The following BCAM variants were observed in gnomAD, a reference collection of about 807,000 sequenced individuals.
BCAM encodes basal cell adhesion molecule (Lutheran blood group), also known as basal cell adhesion molecule.
Under a neutral mutation model 72.4 loss-of-function variants are expected in BCAM, and 61 were observed. The ratio of observed to expected loss-of-function variants is 0.84; its 90% confidence interval spans 0.69 to 1.04. BCAM has a LOEUF of 1.04. Ranked by LOEUF, BCAM falls within the 50% of genes least tolerant of loss-of-function variation. The pLI, the probability that BCAM is intolerant of heterozygous loss-of-function variation, is 0.00. For synonymous variants in BCAM, 408 were observed against 384.2 expected, an observed-to-expected ratio of 1.06 and a Z score of -0.73; for missense variants, 909 against 895.0, an observed-to-expected ratio of 1.02 and a Z score of -0.20.
Position 44,812,501 on chromosome 19 carries a change from T to G in BCAM, c.457T>G (p.Ser153Ala), listed in dbSNP as rs761710611. ...AGCAAAGCCAGAGGCCACTGAGGTC[T>G]CCCCCAACAAAGGGACACTGTCTGT... is the stretch of plus-strand genomic sequence containing the variant. The part of the protein sequence containing the change: ...VFAKPEATEV[S>A]PNKGTLSVME... The change falls in exon 4 of 15, where the codon TCC becomes GCC. Residue 153 changes from serine (S) to alanine (A), a missense_variant. Coordinates refer to ENST00000270233, the MANE Select transcript of BCAM (RefSeq NM_005581.5). The surrounding 1 kb of genome is among the most constrained non-coding windows in gnomAD (Gnocchi z 5.3). 1 of 1,614,088 alleles carries G rather than the reference T, an allele frequency of 6.2e-7. No individual in the cohort carries two copies. Among genetic ancestry groups the G allele is most frequent in the Non-Finnish European group, 8.5e-7 (1 of 1,179,990 alleles).
chr19:44,812,289 G>A lies in BCAM; in HGVS notation c.331G>A (p.Val111Met), dbSNP rs139315382. The A allele has an allele frequency of 3.8e-5, 62 of 1,611,710 alleles. No homozygotes were observed. The African/African-American group carries it at 7.9e-4, about 20-fold the overall frequency. The change falls in exon 3 of 15, where the codon GTG becomes ATG. Residue 111 changes from valine (V) to methionine (M), a missense_variant. Physicochemically the swap from Val to Met is conservative, Grantham distance 21. Transcript: ENST00000270233. This position sits in a 1 kb window ranked among gnomAD's most constrained non-coding sequence, Gnocchi z 5.3. The stretch of plus-strand genomic sequence containing the variant: ...CCAGCTGGACTCCCAGGGGCGCCTG[G>A]TGCTGGCTGAGGCCCAGGTGGGCGA... ...PYQLDSQGRL[V>M]LAEAQVGDER...
At position 44,812,190 on chromosome 19, in the gene BCAM, C is replaced by A; in HGVS notation, c.232C>A (p.Leu78Ile). 1 of 1,604,212 alleles carries A rather than the reference C, an allele frequency of 6.2e-7. No homozygotes were observed. ...LTDRSGARPR[L>I]ASAEMQGSEL... ...CGACCGCTCGGGAGCTCGCCCCCGC[C>A]TAGCCTCGGCTGAGATGCAGGGCTC... The change falls in exon 3 of 15, where the codon CTA becomes ATA. Residue 78 changes from leucine to isoleucine, a missense_variant. Coordinates refer to ENST00000270233, the MANE Select transcript of BCAM (RefSeq NM_005581.5). The surrounding 1 kb of genome is among the most constrained non-coding windows in gnomAD (Gnocchi z 5.3).
In BCAM at chr19:44,818,336, G is replaced by C. The variant is rs903854121; in HGVS notation, c.1079-186G>C. Among the ~76,000 whole-genome samples, 4 of 152,182 alleles carry C rather than the reference G, an allele frequency of 2.6e-5. No individual in the cohort carries two copies. Among genetic ancestry groups the C allele is most frequent in the African/African-American group, 7.2e-5 (3 of 41,440 alleles). ...TGTCAATGTTGGGGTTAGACTGCTA[G>C]ATTTTTGGTTGGAGAGCCTGGATGG... is the stretch of plus-strand genomic sequence containing the variant. On this transcript the variant is annotated intron_variant, in intron 8 of 14. Transcript: ENST00000270233. The surrounding 1 kb of genome is among the most constrained non-coding windows in gnomAD (Gnocchi z 4.6).
At chr19:44,811,776 T>A (rs959270100) in intron 2 of BCAM, 2 of 335,870 alleles carry the variant, frequency 6.0e-6, no homozygotes, top group African/African-American at 4.4e-5. Context: ...TCCCAGCTAC[T>A]CAGGAGGCTG....
intron 1 of BCAM, among the ~76,000 whole-genome samples, chr19:44,810,216 G>A (rs1177050519): frequency 1.3e-5 from 2 of 152,188 alleles, no homozygotes; most frequent in Admixed American, 1.3e-4. Context: ...ACTCCACCAG[G>A]CCCCAGCCTC....
At chr19:44,809,256 AC>A in intron 1 of BCAM, 50 bp downstream of exon 1, 5 of 1,348,058 alleles carry the variant, frequency 3.7e-6, no homozygotes, top group Non-Finnish European at 1.9e-6. Flanking sequence ...GCCCCTGGGG[AC>A]CCCGGGAAAG....
chr19:44,819,165 A>G lies in BCAM; in HGVS notation c.1446A>G (p.Lys482=), dbSNP rs1449146868. The change falls in exon 11 of 15, where the codon AAA becomes AAG. Residue 482 remains lysine, a synonymous_variant. Coordinates refer to ENST00000270233, the MANE Select transcript of BCAM (RefSeq NM_005581.5). ...CTGCCCGCGGCCATCCAGACCCCAAACTCAGCTGGAGCCAATTGGGGGGCA... is the reference window on the plus strand; with the variant it reads ...CTGCCCGCGGCCATCCAGACCCCAAGCTCAGCTGGAGCCAATTGGGGGGCA... ...ICSARGHPDP[K]LSWSQLGGSP... is the part of the protein sequence containing the mutation. The G allele has an allele frequency of 1.9e-6, 3 of 1,613,632 alleles. No individual in the cohort carries two copies. The East Asian group carries it at 6.7e-5, about 36-fold the overall frequency.
At chr19:44,811,533 A>G (rs1568570860) in intron 2 of BCAM, 187 bp downstream of exon 2, 2 of 920,894 alleles carry the variant, frequency 2.2e-6, no homozygotes, top group Non-Finnish European at 3.2e-6. Flanking sequence ...AGCCAAGTCT[A>G]GAATGACATT....
intron 1 of BCAM, among the ~76,000 whole-genome samples, 164 bp downstream of exon 1, chr19:44,809,370 TCTGGGGACAGCCAGGCAGGAGAG>T (rs1179044897): frequency 6.6e-6 from 1 of 151,968 alleles, no homozygotes; most frequent in East Asian, 1.9e-4. Context: ...GTGAGAGAGA[TCTGGGGACAGCCAGGCAGGAGAG>T]CTGGGGATAC....
rs1361026854 is a variant in BCAM, at chr19:44,812,527, G to A, written c.483G>A (p.Val161=). ...EVSPNKGTLS[V]MEDSAQEIAT... is the part of the protein sequence containing the mutation. ...CCCCCAACAAAGGGACACTGTCTGTGATGGAGGACTCTGCCCAGGAGGTAC... is the reference window on the plus strand; with the variant it reads ...CCCCCAACAAAGGGACACTGTCTGTAATGGAGGACTCTGCCCAGGAGGTAC... The change falls in exon 4 of 15, where the codon GTG becomes GTA. Residue 161 remains valine (V), a synonymous_variant. Transcript: ENST00000270233. The surrounding 1 kb of genome is among the most constrained non-coding windows in gnomAD (Gnocchi z 5.3). The A allele has an allele frequency of 1.9e-6, 3 of 1,614,104 alleles. No individual in the cohort carries two copies. Among genetic ancestry groups the A allele is most frequent in the Non-Finnish European group, 2.5e-6 (3 of 1,180,036 alleles).
At chr19:44,810,869 G>A (rs1227509990) in intron 1 of BCAM, among the ~76,000 whole-genome samples, 2 of 152,092 alleles carry the variant, frequency 1.3e-5, no homozygotes, top group African/African-American at 2.4e-5. Flanking sequence ...AGAGATGCAG[G>A]GAGAAGGGAT....
At chr19:44,819,818 A>T (rs1968559400) in intron 13 of BCAM, 92 bp downstream of exon 13, 3 of 1,443,834 alleles carry the variant, frequency 2.1e-6, no homozygotes, top group African/African-American at 2.9e-5. Flanking sequence ...ACCACATCTT[A>T]TCCTCCACCC....
chr19:44,811,561 G>T (rs774670813), intron 2 of BCAM: 90 of 649,164 alleles, frequency 1.4e-4, no homozygotes, highest in Non-Finnish European at 2.1e-4. Flanking sequence ...TCTGGACTGC[G>T]GGCTCTTGAG....
intron 8 of BCAM, among the ~76,000 whole-genome samples, chr19:44,816,966 G>A (rs1968510799): frequency 6.6e-6 from 1 of 151,714 alleles, no homozygotes; most frequent in African/African-American, 2.4e-5. Context: ...GCCGGGCACG[G>A]TGGCTCACAC....
At position 44,813,002 on chromosome 19, in the gene BCAM, G is replaced by GGGAA. The variant is rs1458479558; in HGVS notation, c.505-246_505-243dup. The GGGAA allele has an allele frequency of 9.5e-6, 5 of 526,060 alleles. No individual in the cohort carries two copies. Among genetic ancestry groups the GGGAA allele is most frequent in the Non-Finnish European group, 1.7e-5 (5 of 301,312 alleles). 32.6% of individuals were successfully genotyped at this position (526,060 alleles called of 1,614,324 possible). ...AGAAAAAAGAAAGGAAGGGCAGAGG[G>GGGAA]GGAAGACTCCTGTGTCCTAGGAAGG... On this transcript the variant is annotated intron_variant, in intron 4 of 14. Coordinates refer to ENST00000270233, the MANE Select transcript of BCAM (RefSeq NM_005581.5). This position sits in a 1 kb window ranked among gnomAD's most constrained non-coding sequence, Gnocchi z 4.2.
intron 13 of BCAM, 22 bp from the exon 14 acceptor site, chr19:44,820,683 G>T: frequency 1.6e-6 from 2 of 1,232,068 alleles, no homozygotes. Flanking sequence ...CGACGCCTCC[G>T]CCCGCTGCCT....
In BCAM at chr19:44,820,998, C is replaced by T. The variant is rs567688563; in HGVS notation, c.*77C>T. 605 of 1,445,868 alleles carry T rather than the reference C, an allele frequency of 4.2e-4. No homozygotes were observed. The highest frequency in any genetic ancestry group is 6.1e-4 in the South Asian group (42 of 68,940). 89.6% of individuals were successfully genotyped at this position (1,445,868 alleles called of 1,614,324 possible). ...GAACCAGCCCTGCTCACGCCATGCC[C>T]GCCCCCGCCTTCCCTCTTCCCTCTT... On this transcript the variant is annotated 3_prime_UTR_variant, in exon 15 of 15. Transcript: ENST00000270233.
Position 44,814,761 on chromosome 19 carries a change from G to C in BCAM, c.1078+1G>C, listed in dbSNP as rs1189779348. On this transcript the variant is annotated splice_donor_variant, in intron 8 of 14. Coordinates refer to ENST00000270233, the MANE Select transcript of BCAM (RefSeq NM_005581.5). LOFTEE classifies it high-confidence loss of function. This position sits in a 1 kb window ranked among gnomAD's most constrained non-coding sequence, Gnocchi z 4.6. ...AAGACGCTGGAGCTGCGCGTGGCCT[G>C]TGAGAGCCCTGGGTGAACGGGCGGG... The C allele has an allele frequency of 3.1e-6, 5 of 1,608,584 alleles. No individual in the cohort carries two copies. In the African/African-American group the frequency reaches 6.7e-5, roughly 21 times the overall value.
rs541037681 is a variant in BCAM at position 44,814,407 on chromosome 19, G to A, written c.921+119G>A. The A allele has an allele frequency of 6.7e-5, 98 of 1,464,176 alleles. No homozygotes were observed. Among genetic ancestry groups the A allele is most frequent in the South Asian group, 8.3e-5 (6 of 72,348 alleles). The allele number at this position is 1,464,176 out of a possible 1,614,324, so 90.7% of individuals were successfully genotyped here. ...GTCCCCATGGCTTAGGCAGCCACCT[G>A]ATCTGGTGGCCCACGAACTAAAAGG... On this transcript the variant is annotated intron_variant, in intron 7 of 14. Transcript: ENST00000270233. This position sits in a 1 kb window ranked among gnomAD's most constrained non-coding sequence, Gnocchi z 4.6.
Sources: gnomAD v4.1 joint callset for allele counts (sites outside exome capture counted in the v4.1 genomes callset) on GRCh38, gnomAD v4.1.1 for gene constraint, Gnocchi (gnomAD v3.1) non-coding constraint, MANE v1.5 for transcripts, NCBI Gene and HGNC (gene_info 2026-07-23, HGNC 2026-07-21) for gene names.